The following CCDC170 variants were observed in gnomAD, a reference collection of about 807,000 sequenced individuals.
CCDC170 encodes coiled-coil domain containing 170.
Under a neutral mutation model 72.6 loss-of-function variants are expected in CCDC170, and 69 were observed. The observed-to-expected ratio is 0.95, with a 90% CI of 0.78 to 1.16. The LOEUF is 1.16. Among genes scored for constraint, CCDC170 ranks in the 50% most tolerant of loss-of-function variants. The probability of loss-of-function intolerance (pLI) is 0.00; values close to 1 mark genes in which losing one functional copy is unlikely to be tolerated. For missense variants in CCDC170, 852 were observed against 832.5 expected (o/e 1.02, Z -0.29); for synonymous variants, 300 against 303.9 (o/e 0.99, Z 0.13).
At chr6:151,540,001 A>G (rs1029106899) in intron 3 of CCDC170, among the ~76,000 whole-genome samples, 3 of 152,048 alleles carry the variant, frequency 2.0e-5, no homozygotes, top group Non-Finnish European at 4.4e-5. Flanking sequence ...TATCACCTTT[A>G]TTGTCACTAA....
chr6:151,513,174 G>A (rs1425353517), intron 1 of CCDC170, among the ~76,000 whole-genome samples: 2 of 152,234 alleles, frequency 1.3e-5, no homozygotes, highest in South Asian at 2.1e-4. Context: ...GGAATATTGT[G>A]CAGCTGTTAA....
chr6:151,589,178 T>A (rs1776496974), intron 7 of CCDC170, among the ~76,000 whole-genome samples: 1 of 151,794 alleles, frequency 6.6e-6, no homozygotes, highest in African/African-American at 2.4e-5. Context: ...TCGCTTGAAT[T>A]TGAGAGGCAG....
intron 3 of CCDC170, among the ~76,000 whole-genome samples, chr6:151,540,373 CTTTTTTTTTTTTTTTT>C (rs779650559): frequency 2.9e-4 from 11 of 37,982 alleles, no homozygotes; most frequent in South Asian, 2.7e-3. Flanking sequence ...TCTGCTGCTG[CTTTTTTTTTTTTTTTT>C]TTTTTTTTTT....
intron 6 of CCDC170, among the ~76,000 whole-genome samples, chr6:151,577,200 A>G (rs1776313906): frequency 6.6e-6 from 1 of 152,098 alleles, no homozygotes; most frequent in Non-Finnish European, 1.5e-5. Context: ...AGTCCTGTGC[A>G]TTGCAGGATT....
Position 151,548,450 on chromosome 6 carries a change from A to G in CCDC170, c.735A>G (p.Lys245=), listed in dbSNP as rs1562278638. 1 of 1,609,492 alleles carries G rather than the reference A, an allele frequency of 6.2e-7. No homozygotes were observed. ...CAGAAGTCAACAGAGAGCAGAAAAA[A>G]GCTGCCTCCTGTACTGAAGAGAAAG... ...LASEVNREQK[K]AASCTEEKEK... The change falls in exon 5 of 11, where the codon AAA becomes AAG. Residue 245 remains lysine, a synonymous_variant. Transcript: ENST00000239374.
intron 5 of CCDC170, among the ~76,000 whole-genome samples, chr6:151,560,875 A>C (rs1783066510): frequency 6.6e-6 from 1 of 152,082 alleles, no homozygotes; most frequent in African/African-American, 2.4e-5. Flanking sequence ...GGGTCTCTAG[A>C]GGAAAGAGAA....
chr6:151,581,931 A>G (rs1459714555), intron 6 of CCDC170, among the ~76,000 whole-genome samples: 1 of 152,218 alleles, frequency 6.6e-6, no homozygotes, highest in Non-Finnish European at 1.5e-5. Context: ...AATATTCAGT[A>G]AAACTTGATG....
chr6:151,538,987 C>T (rs1369679534), intron 3 of CCDC170, among the ~76,000 whole-genome samples: 3 of 152,152 alleles, frequency 2.0e-5, no homozygotes, highest in Admixed American at 6.5e-5. Context: ...TATGGCCGGG[C>T]ATGGCGGCTC....
chr6:151,585,091 C>G (rs1776433880), intron 6 of CCDC170, among the ~76,000 whole-genome samples: 1 of 152,056 alleles, frequency 6.6e-6, no homozygotes, highest in Non-Finnish European at 1.5e-5. Flanking sequence ...CTGAGAGTGT[C>G]CCTGAGGTCC....
In CCDC170 at chr6:151,573,610, A is replaced by C. The variant is rs906975490; in HGVS notation, c.1092+119A>C. 3.7e-5 allele frequency: 37 copies of C among 995,840 alleles called. No individual in the cohort carries two copies. In the South Asian group the frequency reaches 6.3e-4, roughly 17 times the overall value. 61.7% of individuals were successfully genotyped at this position (995,840 alleles called of 1,614,324 possible). A position where few individuals can be genotyped will look rare whatever the true frequency, so the allele number is the denominator to read the frequency against. ...CTATAAGAAATACCCGAGACTGGGTAATTTATAAAGACAAAGAGGTTTAAT... is the reference window on the plus strand; with the variant it reads ...CTATAAGAAATACCCGAGACTGGGTCATTTATAAAGACAAAGAGGTTTAAT... On this transcript the variant is annotated intron_variant, in intron 6 of 10. Coordinates refer to ENST00000239374, the MANE Select transcript of CCDC170 (RefSeq NM_025059.4).
chr6:151,531,505 G>C (rs1333425866), intron 1 of CCDC170, among the ~76,000 whole-genome samples: 2 of 152,202 alleles, frequency 1.3e-5, no homozygotes, highest in Non-Finnish European at 1.5e-5. Context: ...TCGAGGGACT[G>C]AGGCAGGAGG....
chr6:151,494,109 G>A lies in CCDC170; in HGVS notation c.-20G>A, dbSNP rs562128097. On this transcript the variant is annotated 5_prime_UTR_variant, in exon 1 of 11. Coordinates refer to ENST00000239374, the MANE Select transcript of CCDC170 (RefSeq NM_025059.4). Reference sequence around the variant, plus strand: ...CAGGGCCGGTTCCGGGTCCGAGCGCGCCCCCGGGCTCGGGTCGTCATGAGC... The same window carrying A: ...CAGGGCCGGTTCCGGGTCCGAGCGCACCCCCGGGCTCGGGTCGTCATGAGC... The A allele has an allele frequency of 6.0e-5, 90 of 1,492,282 alleles. No individual in the cohort carries two copies. The African/African-American group carries it at 1.1e-3, about 19-fold the overall frequency. 92.4% of individuals were successfully genotyped at this position (1,492,282 alleles called of 1,614,324 possible).
intron 9 of CCDC170, among the ~76,000 whole-genome samples, chr6:151,614,296 G>T (rs1199821592): frequency 1.3e-5 from 2 of 151,964 alleles, no homozygotes; most frequent in Non-Finnish European, 2.9e-5. Context: ...CCAGCCCCTG[G>T]TGACTTCTAT....
intron 1 of CCDC170, among the ~76,000 whole-genome samples, chr6:151,525,047 T>C (rs532959758): frequency 2.1e-4 from 32 of 151,598 alleles, no homozygotes; most frequent in Admixed American, 5.3e-4. Context: ...ATTCTCCTGC[T>C]TCAGCCTCCC....
At chr6:151,526,960 C>T (rs1345442542) in intron 1 of CCDC170, among the ~76,000 whole-genome samples, 1 of 151,694 alleles carries the variant, frequency 6.6e-6, no homozygotes, top group East Asian at 1.9e-4. Context: ...ATCATTGTCA[C>T]TACAACCTCT....
chr6:151,526,773 A>G (rs761343660), intron 1 of CCDC170, among the ~76,000 whole-genome samples: 4 of 152,104 alleles, frequency 2.6e-5, no homozygotes, highest in Non-Finnish European at 4.4e-5. Flanking sequence ...TTTTGTGAAG[A>G]GTGAAAGTTT....
intron 9 of CCDC170, among the ~76,000 whole-genome samples, chr6:151,604,639 C>T (rs1251197390): frequency 6.6e-6 from 1 of 152,138 alleles, no homozygotes; most frequent in African/African-American, 2.4e-5. Flanking sequence ...TGCTAATTGC[C>T]CTGATTTCGA....
chr6:151,559,563 T>C (rs1190805985), intron 5 of CCDC170, among the ~76,000 whole-genome samples: 1 of 152,238 alleles, frequency 6.6e-6, no homozygotes, highest in Non-Finnish European at 1.5e-5. Context: ...TGTATTCTGC[T>C]ACTTTACTGA....
chr6:151,494,190 G>A lies in CCDC170; in HGVS notation c.57+5G>A. 1 of 1,506,266 alleles carries A rather than the reference G, an allele frequency of 6.6e-7. No individual in the cohort carries two copies. Among genetic ancestry groups the A allele is most frequent in the Non-Finnish European group, 8.8e-7 (1 of 1,130,328 alleles). 93.3% of individuals were successfully genotyped at this position (1,506,266 alleles called of 1,614,324 possible). A position where few individuals can be genotyped will look rare whatever the true frequency, so the allele number is the denominator to read the frequency against. The stretch of plus-strand genomic sequence containing the variant: ...GCCGCTTCGCCAGCGCCCGAGGTAC[G>A]GTCCCAGCCGCCGGCCGCGCGCGGG... On this transcript the variant is annotated splice_donor_5th_base_variant and intron_variant, in intron 1 of 10. Transcript: ENST00000239374.
Sources: gnomAD v4.1 joint callset for allele counts (sites outside exome capture counted in the v4.1 genomes callset) on GRCh38, gnomAD v4.1.1 for gene constraint, MANE v1.5 for transcripts, NCBI Gene and HGNC (gene_info 2026-07-23, HGNC 2026-07-21) for gene names.